Variants in TULP4 observed in about 807,000 individuals in gnomAD.
The protein encoded by TULP4 is TUB like protein 4, also known as tubby-related protein 4.
Under a neutral mutation model 129.0 loss-of-function variants are expected in TULP4, and 16 were observed. The ratio of observed to expected loss-of-function variants is 0.12; its 90% confidence interval spans 0.08 to 0.19. TULP4 has a LOEUF of 0.19. Ranked by LOEUF, TULP4 falls within the 10% of genes least tolerant of loss-of-function variation. TULP4 has a pLI of 1.00. For synonymous variants in TULP4, 998 were observed against 854.0 expected, an observed-to-expected ratio of 1.17 and a Z score of -2.94; for missense variants, 1,842 against 2,059.1, an observed-to-expected ratio of 0.89 and a Z score of 2.04.
At chr6:158,250,765 A>G (rs1778126244) in intron 1 of TULP4, among the ~76,000 whole-genome samples, 1 of 152,148 alleles carries the variant, frequency 6.6e-6, no homozygotes, top group African/African-American at 2.4e-5. Flanking sequence ...TCTCCCCCAC[A>G]TGACTGAGAA....
intron 1 of TULP4, 105 bp from the exon 2 acceptor site, chr6:158,412,960 T>C: frequency 1.4e-6 from 2 of 1,454,530 alleles, no homozygotes; most frequent in South Asian, 2.9e-5. Flanking sequence ...GTCTTCTCCC[T>C]TTATTGACTG....
intron 1 of TULP4, among the ~76,000 whole-genome samples, chr6:158,328,831 C>T (rs1176653912): frequency 6.6e-6 from 1 of 152,156 alleles, no homozygotes; most frequent in African/African-American, 2.4e-5. Context: ...TGACTTGGGG[C>T]CTCAGCTCTG....
chr6:158,306,745 C>T (rs1478187050), intron 1 of TULP4, among the ~76,000 whole-genome samples: 2 of 152,164 alleles, frequency 1.3e-5, no homozygotes, highest in Non-Finnish European at 2.9e-5. Context: ...TGGCTGGGTG[C>T]AGTGGCTGAC....
At chr6:158,288,391 A>T (rs1031981050) in intron 1 of TULP4, among the ~76,000 whole-genome samples, 1 of 152,136 alleles carries the variant, frequency 6.6e-6, no homozygotes, top group African/African-American at 2.4e-5. Context: ...TGATACAGAC[A>T]TCTTTATCTT....
At chr6:158,374,291 GAA>G (rs11335189) in intron 1 of TULP4, among the ~76,000 whole-genome samples, 85 of 124,672 alleles carry the variant, frequency 6.8e-4, no homozygotes, top group African/African-American at 1.1e-3. Flanking sequence ...TGTCTTTAAA[GAA>G]AAAAAAAAAA....
In TULP4 at chr6:158,313,710, C is replaced by G; in HGVS notation, c.-307C>G. ...TGATCACCACTTAATTAACGATGCTCTTTCTCCAAAGGATCAGCACGTTCT... is the reference window on the plus strand; with the variant it reads ...TGATCACCACTTAATTAACGATGCTGTTTCTCCAAAGGATCAGCACGTTCT... On this transcript the variant is annotated 5_prime_UTR_variant, in exon 1 of 14. Coordinates refer to ENST00000367097, the MANE Select transcript of TULP4 (RefSeq NM_020245.5). 3 of 469,850 alleles carry G rather than the reference C, an allele frequency of 6.4e-6. No homozygotes were observed. Among genetic ancestry groups the G allele is most frequent in the Non-Finnish European group, 1.1e-5 (3 of 269,400 alleles). The allele number at this position is 469,850 out of a possible 1,614,324, so 29.1% of individuals were successfully genotyped here. A position where few individuals can be genotyped will look rare whatever the true frequency, so the allele number is the denominator to read the frequency against.
In TULP4 at chr6:158,313,938, A is replaced by G; in HGVS notation, c.-79A>G. 2 of 1,533,122 alleles carry G rather than the reference A, an allele frequency of 1.3e-6. No individual in the cohort carries two copies. Among genetic ancestry groups the G allele is most frequent in the East Asian group, 2.3e-5 (1 of 44,098 alleles). 95.0% of individuals were successfully genotyped at this position (1,533,122 alleles called of 1,614,324 possible). A position where few individuals can be genotyped will look rare whatever the true frequency, so the allele number is the denominator to read the frequency against. On this transcript the variant is annotated 5_prime_UTR_variant, in exon 1 of 14. Coordinates refer to ENST00000367097, the MANE Select transcript of TULP4 (RefSeq NM_020245.5). ...CAACGCAAGCCAACCACAAAAACAC[A>G]TATACCAATGAAAGAAATTGGTTTA...
chr6:158,435,754 A>G (rs1343243486), intron 3 of TULP4, among the ~76,000 whole-genome samples: 1 of 152,030 alleles, frequency 6.6e-6, no homozygotes. Flanking sequence ...GGATAGACGT[A>G]GACGTTGCTC....
chr6:158,490,446 T>G (rs1188024547), intron 9 of TULP4, among the ~76,000 whole-genome samples: 1 of 152,194 alleles, frequency 6.6e-6, no homozygotes, highest in Non-Finnish European at 1.5e-5. Context: ...TTGGGAAACA[T>G]CAACACATCG....
intron 1 of TULP4, among the ~76,000 whole-genome samples, chr6:158,398,338 C>T (rs896903077): frequency 2.0e-5 from 3 of 152,192 alleles, no homozygotes; most frequent in Non-Finnish European, 4.4e-5. Context: ...AGCAGTTCTC[C>T]AAACCAAGCT....
intron 1 of TULP4, among the ~76,000 whole-genome samples, chr6:158,253,198 T>C (rs6900751): frequency 0.33 from 50,007 of 152,160 alleles, 9,214 homozygotes; most frequent in Admixed American, 0.45. Flanking sequence ...GGATATGTTG[T>C]TGCTGATTTT....
At position 158,440,777 on chromosome 6, in the gene TULP4, C is replaced by T. The variant is rs9456305; in HGVS notation, c.544-8219C>T. Among the ~76,000 whole-genome samples, 105 of 152,208 alleles carry T rather than the reference C, an allele frequency of 6.9e-4. 1 individual carries two copies. The highest frequency in any genetic ancestry group is 3.4e-3 in the Middle Eastern group (1 of 294). On this transcript the variant is annotated intron_variant, in intron 3 of 13. Coordinates refer to ENST00000367097, the MANE Select transcript of TULP4 (RefSeq NM_020245.5). ...GTTCGTTTTTAGTTATTTCTTTTTG[C>T]GTGTATTTGAGAAATTCTGTTGAGC...
intron 1 of TULP4, among the ~76,000 whole-genome samples, chr6:158,260,014 C>T (rs1778322386): frequency 1.3e-5 from 2 of 152,208 alleles, no homozygotes; most frequent in Admixed American, 1.3e-4. Flanking sequence ...GGTCTTATGA[C>T]ATCGTTGGTC....
chr6:158,345,374 C>T (rs1177471426), intron 1 of TULP4, among the ~76,000 whole-genome samples: 1 of 152,230 alleles, frequency 6.6e-6, no homozygotes, highest in Non-Finnish European at 1.5e-5. Context: ...TCAGGCTATC[C>T]TCCTTCCTCA....
At chr6:158,236,798 T>TTC (rs1777715625) in intron 1 of TULP4, among the ~76,000 whole-genome samples, 16 of 19,638 alleles carry the variant, frequency 8.1e-4, no homozygotes, top group Admixed American at 1.7e-3. Context: ...TTCTTTTCTT[T>TTC]TTTTTTTTTT....
rs115396650 is a variant in TULP4 at position 158,391,505 on chromosome 6, G to A, written c.253-21560G>A. On this transcript the variant is annotated intron_variant, in intron 1 of 13. Coordinates refer to ENST00000367097, the MANE Select transcript of TULP4 (RefSeq NM_020245.5). ...AATTCAAACCTACAAAGGCAAAGTT[G>A]GTGACTAATTTTTAAAGTATTTTTC... Among the ~76,000 whole-genome samples, 832 of 152,230 alleles carry A rather than the reference G, an allele frequency of 5.5e-3. 10 individuals carry two copies. Among genetic ancestry groups the A allele is most frequent in the African/African-American group, 0.019 (801 of 41,536 alleles).
intron 1 of TULP4, among the ~76,000 whole-genome samples, chr6:158,394,786 CAAAAAAAAAAAAA>C (rs71030166): frequency 3.0e-4 from 14 of 46,016 alleles, no homozygotes; most frequent in East Asian, 1.5e-3. Context: ...GGCTCTGTCT[CAAAAAAAAAAAAA>C]AAAAAAAAAA....
intron 1 of TULP4, among the ~76,000 whole-genome samples, chr6:158,407,140 T>G (rs1777991585): frequency 6.6e-6 from 1 of 152,240 alleles, no homozygotes; most frequent in Non-Finnish European, 1.5e-5. Context: ...AAAGTTTTCT[T>G]CACATGTAGT....
chr6:158,380,987 A>G (rs1310518440), intron 1 of TULP4, among the ~76,000 whole-genome samples: 1 of 151,230 alleles, frequency 6.6e-6, no homozygotes, highest in African/African-American at 2.4e-5. Context: ...CAGTGGTGGC[A>G]TGCTGGTTCT....
Sources: gnomAD v4.1 joint callset for allele counts (sites outside exome capture counted in the v4.1 genomes callset) on GRCh38, gnomAD v4.1.1 for gene constraint, MANE v1.5 for transcripts, NCBI Gene and HGNC (gene_info 2026-07-23, HGNC 2026-07-21) for gene names.